RORA: variants seen among roughly 807,000 people sequenced by gnomAD.
The protein encoded by RORA is RAR related orphan receptor A, also known as nuclear receptor ROR-alpha.
Under a neutral mutation model 69.5 loss-of-function variants are expected in RORA, and 7 were observed. The observed-to-expected ratio is 0.10, with a 90% CI of 0.06 to 0.19. RORA has a LOEUF of 0.19. Ranked by LOEUF, RORA falls within the 10% of genes least tolerant of loss-of-function variation. The pLI, the probability that RORA is intolerant of heterozygous loss-of-function variation, is 1.00. For missense variants in RORA, 457 were observed against 663.0 expected, an observed-to-expected ratio of 0.69 and a Z score of 3.41; for synonymous variants, 261 against 240.8, an observed-to-expected ratio of 1.08 and a Z score of -0.78.
At chr15:61,116,330 G>A (rs528223202) in intron 1 of RORA, among the ~76,000 whole-genome samples, 2 of 152,184 alleles carry the variant, frequency 1.3e-5, no homozygotes, top group African/African-American at 4.8e-5. Flanking sequence ...TAGGATTTTA[G>A]GGTTTTAGAC....
chr15:60,670,302 C>T (rs2070446952), intron 2 of RORA, among the ~76,000 whole-genome samples: 1 of 151,482 alleles, frequency 6.6e-6, no homozygotes, highest in African/African-American at 2.4e-5. Context: ...TTCGGCATCC[C>T]AGGTTCAAGC....
Position 60,588,372 on chromosome 15 carries a change from G to A in RORA, c.197-56521C>T, listed in dbSNP as rs555671403. 1.9e-3 allele frequency among the ~76,000 whole-genome samples: 292 copies of A among 152,088 alleles called. 8 individuals are homozygous for A. The South Asian group carries it at 0.057, about 30-fold the overall frequency. On this transcript the variant is annotated intron_variant, in intron 2 of 10. Transcript: ENST00000335670. Reference sequence around the variant, plus strand: ...TCTTAGGAAATTTGTTCCACATAAGGGGTTTTGTTGATCCCTATAATAATT... The same window carrying A: ...TCTTAGGAAATTTGTTCCACATAAGAGGTTTTGTTGATCCCTATAATAATT...
chr15:60,643,015 G>A (rs2069971656), intron 2 of RORA, among the ~76,000 whole-genome samples: 1 of 151,964 alleles, frequency 6.6e-6, no homozygotes, highest in Admixed American at 6.6e-5. Flanking sequence ...AAATTAGTTG[G>A]GCCTGGTGAA....
intron 1 of RORA, among the ~76,000 whole-genome samples, chr15:60,798,065 A>G (rs2072522869): frequency 1.3e-5 from 2 of 152,134 alleles, no homozygotes; most frequent in African/African-American, 4.8e-5. Context: ...GAACTCTGGC[A>G]TTAAGGAGAC....
rs75872522 is a variant in RORA at position 61,009,817 on chromosome 15, T to G, written c.166+219236A>C. Among the ~76,000 whole-genome samples the G allele has an allele frequency of 1.0e-2, 1,518 of 152,336 alleles. 20 individuals are homozygous for G. Among genetic ancestry groups the G allele is most frequent in the African/African-American group, 0.035 (1,448 of 41,570 alleles). ...CTTAATCCATTAATTTGCTAATTGG[T>G]GTTCATTACTTTGGACATGGGCTTC... On this transcript the variant is annotated intron_variant, in intron 1 of 10. Coordinates refer to ENST00000335670, the MANE Select transcript of RORA (RefSeq NM_134261.3).
Position 60,840,883 on chromosome 15 carries a change from C to A in RORA, c.167-162197G>T, listed in dbSNP as rs558812194. On this transcript the variant is annotated intron_variant, in intron 1 of 10. Coordinates refer to ENST00000335670, the MANE Select transcript of RORA (RefSeq NM_134261.3). ...GAAGCCTGACCAGCTGGAGCCCAGGCGATAGTTTTTCGAAAGCTGTTACCC... is the reference window on the plus strand; with the variant it reads ...GAAGCCTGACCAGCTGGAGCCCAGGAGATAGTTTTTCGAAAGCTGTTACCC... 7.9e-5 allele frequency among the ~76,000 whole-genome samples: 12 copies of A among 152,220 alleles called. No individual in the cohort carries two copies. In the South Asian group the frequency reaches 1.0e-3, roughly 13 times the overall value.
At chr15:60,813,087 A>T (rs139935147) in intron 1 of RORA, among the ~76,000 whole-genome samples, 171 of 152,314 alleles carry the variant, frequency 1.1e-3, no homozygotes, top group African/African-American at 4.0e-3. Context: ...TTTCTCTGCC[A>T]TCTGCAACAT....
chr15:61,134,674 A>G (rs1353143807), intron 1 of RORA, among the ~76,000 whole-genome samples: 2 of 152,206 alleles, frequency 1.3e-5, no homozygotes, highest in Non-Finnish European at 2.9e-5. Context: ...CACATTCTAG[A>G]TGATGAAATG....
At chr15:60,590,175 A>ATCTCTCTCTCTCTCTCTCTCTCTCTC (rs56192812) in intron 2 of RORA, among the ~76,000 whole-genome samples, 102 of 146,800 alleles carry the variant, frequency 6.9e-4, no homozygotes, top group African/African-American at 2.2e-3. Context: ...CTCTTCCTCT[A>ATCTCTCTCTCTCTCTCTCTCTCTCTC]TCTCTCTCTC....
intron 1 of RORA, among the ~76,000 whole-genome samples, chr15:60,918,035 A>G (rs1891931731): frequency 6.6e-6 from 1 of 152,212 alleles, no homozygotes; most frequent in Non-Finnish European, 1.5e-5. Context: ...GTGTCCCTGT[A>G]CGTAACCTCA....
At chr15:60,759,421 C>G (rs1192185712) in intron 1 of RORA, among the ~76,000 whole-genome samples, 2 of 152,138 alleles carry the variant, frequency 1.3e-5, no homozygotes, top group Non-Finnish European at 2.9e-5. Flanking sequence ...TTGAGGGGGA[C>G]ATGGGGGCCA....
intron 1 of RORA, among the ~76,000 whole-genome samples, chr15:61,091,829 A>T (rs532653337): frequency 6.6e-6 from 1 of 152,340 alleles, no homozygotes; most frequent in African/African-American, 2.4e-5. Context: ...AAGGGAAAAG[A>T]TAAAGTAAGG....
intron 1 of RORA, among the ~76,000 whole-genome samples, chr15:61,121,612 A>C (rs1380502307): frequency 6.6e-6 from 1 of 152,146 alleles, no homozygotes; most frequent in African/African-American, 2.4e-5. Context: ...TGGCGAGGGC[A>C]AGAAGAAATG....
intron 1 of RORA, among the ~76,000 whole-genome samples, chr15:60,840,588 G>C (rs76710813): frequency 0.015 from 2,220 of 152,340 alleles, 71 homozygotes; most frequent in African/African-American, 0.051. Flanking sequence ...AGAATCAAGA[G>C]AGTGAGATGT....
At chr15:60,962,549 G>A (rs190057200) in intron 1 of RORA, among the ~76,000 whole-genome samples, 1 of 152,202 alleles carries the variant, frequency 6.6e-6, no homozygotes, top group Non-Finnish European at 1.5e-5. Flanking sequence ...GCCACTTAGA[G>A]TTCTAGTCGA....
intron 2 of RORA, among the ~76,000 whole-genome samples, chr15:60,584,431 T>C (rs1032476962): frequency 7.2e-5 from 11 of 152,250 alleles, no homozygotes; most frequent in African/African-American, 2.7e-4. Flanking sequence ...AAATCTCCTT[T>C]GTTTTAAATG....
At chr15:61,018,163 G>A (rs1225127920) in intron 1 of RORA, among the ~76,000 whole-genome samples, 2 of 152,126 alleles carry the variant, frequency 1.3e-5, no homozygotes, top group East Asian at 3.9e-4. Context: ...GTGATAAAAT[G>A]GAACATCTTC....
chr15:60,710,390 A>G (rs1170725540), intron 1 of RORA, among the ~76,000 whole-genome samples: 1 of 152,176 alleles, frequency 6.6e-6, no homozygotes, highest in Non-Finnish European at 1.5e-5. Context: ...TGGGCAGCTG[A>G]GGCAGGAGAA....
intron 3 of RORA, chr15:60,529,434 A>G (rs1023290516): frequency 2.6e-5 from 4 of 152,246 alleles, no homozygotes; most frequent in Non-Finnish European, 4.4e-5. Context: ...CAAAGAGTAT[A>G]TGTATCAAAT....
Sources: gnomAD v4.1 joint callset for allele counts (sites outside exome capture counted in the v4.1 genomes callset) on GRCh38, gnomAD v4.1.1 for gene constraint, MANE v1.5 for transcripts, NCBI Gene and HGNC (gene_info 2026-07-23, HGNC 2026-07-21) for gene names.